ERBB4: variants seen among roughly 807,000 people sequenced by gnomAD.
ERBB4 encodes the protein erb-b2 receptor tyrosine kinase 4.
A neutral mutation model predicts 158.0 loss-of-function variants in ERBB4; 42 were observed. The ratio of observed to expected loss-of-function variants is 0.27; its 90% CI spans 0.21 to 0.34. The LOEUF (loss-of-function observed/expected upper bound fraction) is 0.34. Ranked by LOEUF, ERBB4 falls within the 10% of genes least tolerant of loss-of-function variation. The pLI, the probability that ERBB4 is intolerant of heterozygous loss-of-function variation, is 1.00. For synonymous variants in ERBB4, 583 were observed against 558.7 expected, an observed-to-expected ratio of 1.04 and a Z score of -0.61; for missense variants, 1,333 against 1,624.1, an observed-to-expected ratio of 0.82 and a Z score of 3.08.
At chr2:211,594,532 T>G (rs1047789362) in intron 19 of ERBB4, among the ~76,000 whole-genome samples, 1 of 152,154 alleles carries the variant, frequency 6.6e-6, no homozygotes, top group Non-Finnish European at 1.5e-5. Context: ...ACATCAAATA[T>G]GGAATGTTTA....
At chr2:211,918,854 C>A (rs906935460) in intron 3 of ERBB4, among the ~76,000 whole-genome samples, 1 of 152,086 alleles carries the variant, frequency 6.6e-6, no homozygotes, top group African/African-American at 2.4e-5. Context: ...AACAAAGCTT[C>A]CATCTCATTC....
At chr2:211,856,354 G>A (rs1480590524) in intron 3 of ERBB4, among the ~76,000 whole-genome samples, 1 of 124,646 alleles carries the variant, frequency 8.0e-6, no homozygotes, top group Non-Finnish European at 1.7e-5. Flanking sequence ...GCCCTAGCTA[G>A]TCTTGTAATT....
chr2:211,496,748 C>T (rs916809364), intron 20 of ERBB4, among the ~76,000 whole-genome samples: 1 of 152,016 alleles, frequency 6.6e-6, no homozygotes, highest in African/African-American at 2.4e-5. Flanking sequence ...GGTGAGCCTC[C>T]AATATGCCAG....
intron 3 of ERBB4, among the ~76,000 whole-genome samples, chr2:211,853,131 C>T (rs2077759831): frequency 6.6e-6 from 1 of 151,934 alleles, no homozygotes; most frequent in African/African-American, 2.4e-5. Flanking sequence ...GTAGAACAGT[C>T]TCTGAGATTT....
At position 212,269,897 on chromosome 2, in the gene ERBB4, G is replaced by T. The variant is rs1045220917; in HGVS notation, c.83-144994C>A. Among the ~76,000 whole-genome samples the T allele has an allele frequency of 5.9e-5, 9 of 151,744 alleles. No individual in the cohort carries two copies. In the East Asian group the frequency reaches 1.7e-3, roughly 29 times the overall value. Reference sequence around the variant, plus strand: ...ATAATTAGGCTCTGTAACACCAAGTGCCTCTAAGTATCACGTCAAAGAAAT... The same window carrying T: ...ATAATTAGGCTCTGTAACACCAAGTTCCTCTAAGTATCACGTCAAAGAAAT... On this transcript the variant is annotated intron_variant, in intron 1 of 27. Coordinates refer to ENST00000342788, the MANE Select transcript of ERBB4 (RefSeq NM_005235.3).
intron 1 of ERBB4, among the ~76,000 whole-genome samples, chr2:212,195,750 C>A (rs1038507031): frequency 2.0e-5 from 3 of 151,926 alleles, no homozygotes; most frequent in African/African-American, 7.2e-5. Context: ...ATATTAAAAG[C>A]ATATTTCAAA....
intron 1 of ERBB4, among the ~76,000 whole-genome samples, chr2:212,519,527 C>T (rs1692030117): frequency 6.6e-6 from 1 of 151,212 alleles, no homozygotes; most frequent in South Asian, 2.1e-4. Context: ...CATCACACAC[C>T]AGGGCATATC....
chr2:212,059,346 T>C (rs934920070), intron 2 of ERBB4, among the ~76,000 whole-genome samples: 1 of 152,092 alleles, frequency 6.6e-6, no homozygotes, highest in African/African-American at 2.4e-5. Context: ...GAATCAATAT[T>C]ATGAAAATGG....
At chr2:211,629,579 G>T (rs187344070) in intron 17 of ERBB4, among the ~76,000 whole-genome samples, 3 of 152,042 alleles carry the variant, frequency 2.0e-5, no homozygotes, top group East Asian at 1.9e-4. Flanking sequence ...AAAAGAGCCC[G>T]CATTGCCAAG....
intron 3 of ERBB4, among the ~76,000 whole-genome samples, chr2:211,850,741 G>C (rs1296680337): frequency 6.6e-6 from 1 of 151,892 alleles, no homozygotes; most frequent in African/African-American, 2.4e-5. Context: ...GGCAGATGAG[G>C]CTGTTAGGGG....
rs1227959254 is a variant in ERBB4, at chr2:211,990,528, A to AAATG, written c.235-42913_235-42912insCATT. Among the ~76,000 whole-genome samples the AAATG allele has an allele frequency of 2.7e-5, 4 of 146,548 alleles. No individual in the cohort carries two copies. The Admixed American group carries it at 2.7e-4, about 10-fold the overall frequency. The stretch of plus-strand genomic sequence containing the variant: ...AAATAACCAAAATAAAAATAAAAAT[A>AAATG]AATAAATAAATAAATAAATAAATAA... On this transcript the variant is annotated intron_variant, in intron 2 of 27. Transcript: ENST00000342788.
chr2:211,862,372 T>C (rs1169961888), intron 3 of ERBB4, among the ~76,000 whole-genome samples: 2 of 152,210 alleles, frequency 1.3e-5, no homozygotes, highest in South Asian at 4.1e-4. Context: ...TTTTACACTA[T>C]ATTTTTAATT....
chr2:212,107,142 G>A (rs2079254011), intron 2 of ERBB4, among the ~76,000 whole-genome samples: 1 of 152,152 alleles, frequency 6.6e-6, no homozygotes, highest in South Asian at 2.1e-4. Context: ...ATCCACCAAT[G>A]ACTTGCACCA....
chr2:211,658,445 T>A (rs908497856), intron 15 of ERBB4, among the ~76,000 whole-genome samples: 1 of 152,148 alleles, frequency 6.6e-6, no homozygotes, highest in Admixed American at 6.5e-5. Flanking sequence ...TGCTCAATGC[T>A]CATTAAAGGT....
chr2:212,072,032 T>A (rs1192850233), intron 2 of ERBB4, among the ~76,000 whole-genome samples: 1 of 151,984 alleles, frequency 6.6e-6, no homozygotes, highest in Non-Finnish European at 1.5e-5. Context: ...TACACTTCCA[T>A]AGTCGTACAG....
intron 1 of ERBB4, among the ~76,000 whole-genome samples, chr2:212,200,668 A>G (rs2082563574): frequency 6.6e-6 from 1 of 152,198 alleles, no homozygotes; most frequent in Admixed American, 6.5e-5. Context: ...CTTGTTAGTC[A>G]AAAAGTGTAA....
intron 3 of ERBB4, among the ~76,000 whole-genome samples, chr2:211,925,806 G>GA (rs1469640582): frequency 1.3e-5 from 2 of 152,106 alleles, no homozygotes; most frequent in African/African-American, 4.8e-5. Context: ...GATTGTGTAG[G>GA]AAGGCATTTC....
At chr2:212,083,294 G>C (rs1044089242) in intron 2 of ERBB4, among the ~76,000 whole-genome samples, 3 of 151,836 alleles carry the variant, frequency 2.0e-5, no homozygotes, top group African/African-American at 7.3e-5. Flanking sequence ...ATTCAAATTG[G>C]CTTGAAGATG....
At chr2:212,453,361 C>T (rs1688103079) in intron 1 of ERBB4, among the ~76,000 whole-genome samples, 1 of 152,130 alleles carries the variant, frequency 6.6e-6, no homozygotes, top group Non-Finnish European at 1.5e-5. Flanking sequence ...ACTCCTTCTG[C>T]CTTCAAAAAT....
Sources: allele counts gnomAD v4.1 joint callset (sites outside exome capture counted in the v4.1 genomes callset), GRCh38; gene constraint gnomAD v4.1.1; transcripts MANE v1.5; gene names NCBI Gene and HGNC (gene_info 2026-07-23, HGNC 2026-07-21).